The following MUSK variants were observed in gnomAD, a reference collection of about 807,000 sequenced individuals.
MUSK encodes the protein muscle associated receptor tyrosine kinase, also known as muscle, skeletal receptor tyrosine-protein kinase.
Under a neutral mutation model 88.7 loss-of-function variants are expected in MUSK, and 55 were observed. That is an observed-to-expected ratio of 0.62 (90% confidence interval 0.50 to 0.78). MUSK has a LOEUF of 0.78. Ranked by LOEUF, MUSK falls within the 30% of genes least tolerant of loss-of-function variation. The pLI is 0.00. For missense variants in MUSK, 1,015 were observed against 1,074.3 expected (o/e 0.94, Z 0.77); for synonymous variants, 387 against 391.9 (o/e 0.99, Z 0.15).
At chr9:110,777,423 G>C (rs935294247) in intron 11 of MUSK, among the ~76,000 whole-genome samples, 5 of 151,962 alleles carry the variant, frequency 3.3e-5, no homozygotes, top group African/African-American at 1.2e-4. Context: ...TTGCTTAAAG[G>C]ACCAACACTT....
intron 14 of MUSK, among the ~76,000 whole-genome samples, chr9:110,790,451 C>G (rs193295345): frequency 6.6e-6 from 1 of 152,084 alleles, no homozygotes; most frequent in Non-Finnish European, 1.5e-5. Context: ...AGAATGATCC[C>G]GTAAAGAGAA....
rs918997958 is a variant in MUSK at position 110,800,562 on chromosome 9, C to A, written c.2184C>A (p.Thr728=). 5 of 1,613,788 alleles carry A rather than the reference C, an allele frequency of 3.1e-6. No homozygotes were observed. In the African/African-American group the frequency reaches 6.7e-5, roughly 22 times the overall value. ...AGTTTGTTCACCGAGATTTAGCCAC[C>A]AGGAACTGCCTGGTGGGCGAGAACA... is the stretch of plus-strand genomic sequence containing the variant. ...ERKFVHRDLA[T]RNCLVGENMV... The change falls in exon 15 of 15, where the codon ACC becomes ACA. Residue 728 remains threonine, a synonymous_variant. Transcript: ENST00000374448.
intron 5 of MUSK, among the ~76,000 whole-genome samples, chr9:110,729,194 G>A (rs984632709): frequency 1.2e-4 from 18 of 150,960 alleles, no homozygotes; most frequent in African/African-American, 4.4e-4. Flanking sequence ...TAAAAATTAA[G>A]TTATTTTAAT....
chr9:110,757,648 T>C (rs1454304238), intron 7 of MUSK, among the ~76,000 whole-genome samples: 1 of 107,392 alleles, frequency 9.3e-6, no homozygotes, highest in East Asian at 2.2e-4. Flanking sequence ...AGCCAATTTG[T>C]CAAAAAAAAA....
chr9:110,772,473 C>T (rs903526118), intron 9 of MUSK, among the ~76,000 whole-genome samples: 9 of 150,964 alleles, frequency 6.0e-5, no homozygotes, highest in African/African-American at 2.2e-4. Flanking sequence ...TTTTAAAATC[C>T]TCATCATCAA....
intron 3 of MUSK, among the ~76,000 whole-genome samples, chr9:110,688,783 AG>A (rs1188017446): frequency 2.0e-5 from 3 of 151,786 alleles, no homozygotes; most frequent in Non-Finnish European, 2.9e-5. Context: ...GTCCCTGCAA[AG>A]GACATGATTT....
chr9:110,734,819 A>G (rs2131841628), intron 6 of MUSK, among the ~76,000 whole-genome samples: 1 of 152,250 alleles, frequency 6.6e-6, no homozygotes, highest in African/African-American at 2.4e-5. Context: ...ATTTTCAGCC[A>G]GGCTCTATTC....
chr9:110,785,508 T>A lies in MUSK; in HGVS notation c.1587-19T>A. The A allele has an allele frequency of 6.4e-7, 1 of 1,570,972 alleles. No homozygotes were observed. Among genetic ancestry groups the A allele is most frequent in the Non-Finnish European group, 8.6e-7 (1 of 1,156,510 alleles). ...CCTGCTTCTGAGCTCATTCCTGATC[T>A]TGCCTGTCTTGCCTGCAGAGAATCA... On this transcript the variant is annotated intron_variant, in intron 12 of 14. Coordinates refer to ENST00000374448, the MANE Select transcript of MUSK (RefSeq NM_005592.4).
At chr9:110,732,234 T>G (rs2076974713) in intron 5 of MUSK, among the ~76,000 whole-genome samples, 1 of 152,032 alleles carries the variant, frequency 6.6e-6, no homozygotes, top group South Asian at 2.1e-4. Flanking sequence ...TAGATGGTCA[T>G]GCAGTAGTCC....
chr9:110,689,980 A>G (rs1359701708), intron 3 of MUSK, among the ~76,000 whole-genome samples: 1 of 72,968 alleles, frequency 1.4e-5, no homozygotes, highest in African/African-American at 6.2e-5. Context: ...ATTATATTAT[A>G]AATATTATAA....
At chr9:110,677,649 T>G (rs967047662) in intron 1 of MUSK, among the ~76,000 whole-genome samples, 6 of 152,234 alleles carry the variant, frequency 3.9e-5, no homozygotes, top group Non-Finnish European at 8.8e-5. Flanking sequence ...CCTGGAACAC[T>G]CTTCTCTCTC....
chr9:110,688,492 C>G (rs2076226760), intron 3 of MUSK, among the ~76,000 whole-genome samples: 1 of 152,038 alleles, frequency 6.6e-6, no homozygotes, highest in African/African-American at 2.4e-5. Context: ...AGGGGTACAT[C>G]TGCAGAATGT....
intron 5 of MUSK, among the ~76,000 whole-genome samples, chr9:110,711,776 C>A (rs1002342710): frequency 3.3e-5 from 5 of 152,096 alleles, no homozygotes; most frequent in Admixed American, 6.6e-5. Flanking sequence ...CTCACTTTGT[C>A]GTCAAGAATC....
chr9:110,711,230 T>A (rs2076666182), intron 5 of MUSK, among the ~76,000 whole-genome samples: 1 of 151,946 alleles, frequency 6.6e-6, no homozygotes, highest in Non-Finnish European at 1.5e-5. Context: ...TGTGCACAGG[T>A]ACCCTAGAAC....
intron 1 of MUSK, 126 bp from the exon 2 acceptor site, chr9:110,682,548 T>C (rs533125064): frequency 4.5e-5 from 42 of 929,882 alleles, no homozygotes; most frequent in Non-Finnish European, 6.3e-5. Context: ...TTCCTTTCTT[T>C]TGGCAAATTT....
At chr9:110,754,151 T>C (rs763781071) in intron 7 of MUSK, among the ~76,000 whole-genome samples, 2 of 152,188 alleles carry the variant, frequency 1.3e-5, no homozygotes, top group Non-Finnish European at 2.9e-5. Context: ...TTGTTTTTGT[T>C]CTTAATAAAA....
chr9:110,748,258 C>T (rs1056464258), intron 7 of MUSK, among the ~76,000 whole-genome samples: 1 of 148,436 alleles, frequency 6.7e-6, no homozygotes, highest in African/African-American at 2.5e-5. Context: ...TTTCCCCACT[C>T]CTCGTTCTCT....
At chr9:110,672,415 T>C (rs1310631336) in intron 1 of MUSK, among the ~76,000 whole-genome samples, 1 of 152,102 alleles carries the variant, frequency 6.6e-6, no homozygotes, top group Admixed American at 6.5e-5. Context: ...GACCTGAACA[T>C]TTACTGCACT....
intron 7 of MUSK, among the ~76,000 whole-genome samples, chr9:110,759,912 T>C (rs1031496007): frequency 3.9e-5 from 6 of 152,146 alleles, no homozygotes; most frequent in African/African-American, 1.4e-4. Context: ...GGCACATGCC[T>C]GTAATCCCAG....
Sources: allele counts gnomAD v4.1 joint callset (sites outside exome capture counted in the v4.1 genomes callset), GRCh38; gene constraint gnomAD v4.1.1; transcripts MANE v1.5; gene names NCBI Gene and HGNC (gene_info 2026-07-23, HGNC 2026-07-21).